Variants in TERT observed in about 807,000 individuals in gnomAD.
TERT encodes telomerase reverse transcriptase.
Under a neutral mutation model 104.0 loss-of-function variants are expected in TERT, and 42 were observed. The observed-to-expected ratio is 0.40, with a 90% CI of 0.32 to 0.52. TERT has a LOEUF of 0.52. Among genes scored for constraint, TERT ranks in the 20% least tolerant of loss-of-function variants. The pLI is 0.43. For missense variants in TERT, 1,101 were observed against 1,610.3 expected (o/e 0.68, Z 5.41); for synonymous variants, 781 against 725.6 (o/e 1.08, Z -1.23).
chr5:1,282,475 A>G lies in TERT; in HGVS notation c.1723T>C (p.Phe575Leu). 6.2e-7 allele frequency: 1 copy of G among 1,614,180 alleles called. No homozygotes were observed. Among genetic ancestry groups the G allele is most frequent in the Non-Finnish European group, 8.5e-7 (1 of 1,180,044 alleles). ...ETTFQKNRLF[F>L]YRKSVWSKLQ... is the part of the protein sequence containing the mutation. ...TTGCTCCAGACACTCTTCCGGTAGAAAAAGAGCCTGTTCTTTTGAAACGTG... is the reference window on the plus strand; with the variant it reads ...TTGCTCCAGACACTCTTCCGGTAGAGAAAGAGCCTGTTCTTTTGAAACGTG... The change falls in exon 3 of 16, where the codon TTC (phenylalanine) becomes CTC (leucine). Residue 575 changes from phenylalanine to leucine, a missense_variant. By Grantham distance (22) the Phe-to-Leu change is conservative. Coordinates refer to ENST00000310581, the MANE Select transcript of TERT (RefSeq NM_198253.3).
intron 13 of TERT, among the ~76,000 whole-genome samples, chr5:1,258,287 C>A (rs1579547594): frequency 6.6e-6 from 1 of 152,228 alleles, no homozygotes. Context: ...GCTAAGACTC[C>A]CCATAAACAT....
rs986380660 is a variant in TERT at position 1,255,151 on chromosome 5, G to C, written c.3157+136C>G. 1.7e-6 allele frequency: 2 copies of C among 1,147,202 alleles called. No individual in the cohort carries two copies. Among genetic ancestry groups the C allele is most frequent in the African/African-American group, 1.5e-5 (1 of 65,306 alleles). The allele number at this position is 1,147,202 out of a possible 1,614,324, so 71.1% of individuals were successfully genotyped here. A position where few individuals can be genotyped will look rare whatever the true frequency, so the allele number is the denominator to read the frequency against. On this transcript the variant is annotated intron_variant, in intron 14 of 15. Coordinates refer to ENST00000310581, the MANE Select transcript of TERT (RefSeq NM_198253.3). This position sits in a 1 kb window ranked among gnomAD's most constrained non-coding sequence, Gnocchi z 6.9. The stretch of plus-strand genomic sequence containing the variant: ...CACGAGAGGGCGGGCAGACGAGCCT[G>C]ACAGTGGTTGGGTTAAACCACTTCC...
At chr5:1,276,952 C>T (rs1579572511) in intron 6 of TERT, among the ~76,000 whole-genome samples, 2 of 152,360 alleles carry the variant, frequency 1.3e-5, no homozygotes, top group African/African-American at 2.4e-5. Flanking sequence ...CACAGAGATT[C>T]ACAGTGCACG....
chr5:1,261,053 A>G lies in TERT; in HGVS notation c.2844-453T>C, dbSNP rs1225948395. Among the ~76,000 whole-genome samples, 1 of 152,218 alleles carries G rather than the reference A, an allele frequency of 6.6e-6. No homozygotes were observed. The highest frequency in any genetic ancestry group is 1.5e-5 in the Non-Finnish European group (1 of 68,038). On this transcript the variant is annotated intron_variant, in intron 11 of 15. Coordinates refer to ENST00000310581, the MANE Select transcript of TERT (RefSeq NM_198253.3). This position sits in a 1 kb window ranked among gnomAD's most constrained non-coding sequence, Gnocchi z 7.4. ...AGGGATGGAAGAGCCAGGTGGCACC[A>G]GCTAAACAGGGCTCCAGTGAGTGCA...
rs1209727660 is a variant in TERT at position 1,269,841 on chromosome 5, A to C, written c.2469-1208T>G. Among the ~76,000 whole-genome samples, 1 of 152,138 alleles carries C rather than the reference A, an allele frequency of 6.6e-6. No individual in the cohort carries two copies. The highest frequency in any genetic ancestry group is 1.5e-5 in the Non-Finnish European group (1 of 68,024). ...ACAGGTTTTGAAGACGTTTTTATTC[A>C]GAGGCCAAACTGGACCACGATGGGG... On this transcript the variant is annotated intron_variant, in intron 8 of 15. Coordinates refer to ENST00000310581, the MANE Select transcript of TERT (RefSeq NM_198253.3). The surrounding 1 kb of genome is among the most constrained non-coding windows in gnomAD (Gnocchi z 9.0).
intron 2 of TERT, among the ~76,000 whole-genome samples, chr5:1,291,250 G>C (rs1167232313): frequency 5.1e-4 from 40 of 77,948 alleles, no homozygotes; most frequent in East Asian, 1.3e-3. Context: ...CTACACCTGA[G>C]AGGGACACCC....
intron 2 of TERT, among the ~76,000 whole-genome samples, chr5:1,291,267 A>G (rs1461167963): frequency 2.2e-4 from 16 of 74,062 alleles, no homozygotes; most frequent in East Asian, 4.8e-4. Context: ...ACCCGGGGAC[A>G]GCGCCTCACT....
At chr5:1,275,423 A>G (rs1749490916) in intron 6 of TERT, among the ~76,000 whole-genome samples, 1 of 151,908 alleles carries the variant, frequency 6.6e-6, no homozygotes, top group Admixed American at 6.6e-5. Context: ...CAAGCCTCCA[A>G]CTCGCAGGGG....
chr5:1,266,475 T>C lies in TERT; in HGVS notation c.2643A>G (p.Lys881=), dbSNP rs375558251. 36 of 1,609,250 alleles carry C rather than the reference T, an allele frequency of 2.2e-5. No individual in the cohort carries two copies. The highest frequency in any genetic ancestry group is 3.3e-4 in the Middle Eastern group (2 of 6,060). The change falls in exon 10 of 16, where the codon AAA becomes AAG. Residue 881 remains lysine, a synonymous_variant. Coordinates refer to ENST00000310581, the MANE Select transcript of TERT (RefSeq NM_198253.3). ...LLVTPHLTHA[K]TFLRTLVRGV... is the part of the protein sequence containing the mutation. The stretch of plus-strand genomic sequence containing the variant: ...GGCACGGGCCTCACCTGAGGAAGGT[T>C]TTCGCGTGGGTGAGGTGAGGTGTCA...
chr5:1,294,363 G>A lies in TERT; in HGVS notation c.523C>T (p.Leu175=). Reference sequence around the variant, plus strand: ...TGAGTGGCAGCGCCGAGCTGGTACAGCGGCGGCCCGCACACCTGGTAGGCG... The same window carrying A: ...TGAGTGGCAGCGCCGAGCTGGTACAACGGCGGCCCGCACACCTGGTAGGCG... ...SCAYQVCGPP[L]YQLGAATQAR... The change falls in exon 2 of 16, where the codon CTG becomes TTG. Residue 175 remains leucine, a synonymous_variant. Transcript: ENST00000310581. 4.4e-6 allele frequency: 7 copies of A among 1,575,446 alleles called. No individual in the cohort carries two copies. Among genetic ancestry groups the A allele is most frequent in the Non-Finnish European group, 6.0e-6 (7 of 1,168,542 alleles).
rs899899949 is a variant in TERT at position 1,257,033 on chromosome 5, G to T, written c.3032+1565C>A. Among the ~76,000 whole-genome samples the T allele has an allele frequency of 6.6e-6, 1 of 152,156 alleles. No homozygotes were observed. The highest frequency in any genetic ancestry group is 1.5e-5 in the Non-Finnish European group (1 of 68,028). On this transcript the variant is annotated intron_variant, in intron 13 of 15. Transcript: ENST00000310581. The surrounding 1 kb of genome is among the most constrained non-coding windows in gnomAD (Gnocchi z 5.6). ...CTCTCCGTTCTCCCACTCCTGCCTCGAGGGAAGGGGATTCCTGGGCCTTCC... is the reference window on the plus strand; with the variant it reads ...CTCTCCGTTCTCCCACTCCTGCCTCTAGGGAAGGGGATTCCTGGGCCTTCC...
At chr5:1,266,890 C>T (rs1273358559) in intron 9 of TERT, among the ~76,000 whole-genome samples, 2 of 152,340 alleles carry the variant, frequency 1.3e-5, no homozygotes, top group East Asian at 1.9e-4. Flanking sequence ...CTCTGAGCCA[C>T]GTGGTGCCCT....
At position 1,255,702 on chromosome 5, in the gene TERT, A is replaced by G. The variant is rs936593582; in HGVS notation, c.3033-291T>C. Among the ~76,000 whole-genome samples, 9 of 152,230 alleles carry G rather than the reference A, an allele frequency of 5.9e-5. No individual in the cohort carries two copies. Among genetic ancestry groups the G allele is most frequent in the African/African-American group, 2.2e-4 (9 of 41,466 alleles). On this transcript the variant is annotated intron_variant, in intron 13 of 15. Transcript: ENST00000310581. This position sits in a 1 kb window ranked among gnomAD's most constrained non-coding sequence, Gnocchi z 6.9. ...GCTCCATCCTGGATGCCAGCCCCCC[A>G]TGCTGGCTTCTGATTAGCCCCTGTT...
At position 1,271,156 on chromosome 5, in the gene TERT, G is replaced by T; in HGVS notation, c.2431C>A (p.Arg811Ser). Reference protein sequence around the residue: ...ASSGLFDVFLRFMCHHAVRIR... With the variant: ...ASSGLFDVFLSFMCHHAVRIR... ...CGCACGGCGTGGTGGCACATGAAGCGTAGGAAGACGTCGAAGAGGCCACTG... is the reference window on the plus strand; with the variant it reads ...CGCACGGCGTGGTGGCACATGAAGCTTAGGAAGACGTCGAAGAGGCCACTG... Residue 811 changes from arginine (R) to serine (S), a missense_variant, in exon 8 of 16, where the codon CGC (arginine) becomes AGC (serine). Arg to Ser is a moderately radical substitution (Grantham distance 110). Around this residue, in one of 5 missense-constraint regions of TERT, gnomAD observed 463 missense variants for 797.5 expected, o/e 0.58. Coordinates refer to ENST00000310581, the MANE Select transcript of TERT (RefSeq NM_198253.3). The T allele has an allele frequency of 6.2e-7, 1 of 1,613,166 alleles. No individual in the cohort carries two copies. Among genetic ancestry groups the T allele is most frequent in the South Asian group, 1.1e-5 (1 of 91,088 alleles).
intron 2 of TERT, chr5:1,282,989 T>G (rs35888851): frequency 2.6e-5 from 8 of 302,828 alleles, no homozygotes; most frequent in African/African-American, 2.8e-5. Context: ...GCGACCTCAC[T>G]CCGGACCTGC....
intron 3 of TERT, 103 bp from the exon 4 acceptor site, chr5:1,280,441 G>T: frequency 7.8e-7 from 1 of 1,286,938 alleles, no homozygotes; most frequent in African/African-American, 1.5e-5. Context: ...AGGGCTCAGG[G>T]CACCCACGGC....
Position 1,268,400 on chromosome 5 carries a change from T to A in TERT, c.2582+120A>T. 1 of 803,534 alleles carries A rather than the reference T, an allele frequency of 1.2e-6. No individual in the cohort carries two copies. The highest frequency in any genetic ancestry group is 2.1e-6 in the Non-Finnish European group (1 of 483,822). 49.8% of individuals were successfully genotyped at this position (803,534 alleles called of 1,614,324 possible). A position where few individuals can be genotyped will look rare whatever the true frequency, so the allele number is the denominator to read the frequency against. ...TTCATACCAAGAAGGGGCTGCAACC[T>A]TGTCTGGTTCCTCAAGACAGAGCAG... On this transcript the variant is annotated intron_variant, in intron 9 of 15. Transcript: ENST00000310581. The surrounding 1 kb of genome is among the most constrained non-coding windows in gnomAD (Gnocchi z 5.5).
chr5:1,271,321 GC>G lies in TERT; in HGVS notation c.2383-118del. ...GTCAGTGTTTGTGATGAAGTGCGGG[GC>G]TGGGCTGGAATGCAGGGCCATCGTG... On this transcript the variant is annotated intron_variant, in intron 7 of 15. Transcript: ENST00000310581. 4 of 772,684 alleles carry G rather than the reference GC, an allele frequency of 5.2e-6. No individual in the cohort carries two copies. The South Asian group carries it at 5.9e-5, about 11-fold the overall frequency. The allele number at this position is 772,684 out of a possible 1,614,324, so 47.9% of individuals were successfully genotyped here. A position where few individuals can be genotyped will look rare whatever the true frequency, so the allele number is the denominator to read the frequency against.
rs918130243 is a variant in TERT, at chr5:1,256,759, G to A, written c.3033-1348C>T. ...AAATAAATAAGCCTAAGGTCCCGGG[G>A]TTGCCACACGGCCACGCTCCTGACC... On this transcript the variant is annotated intron_variant, in intron 13 of 15. Coordinates refer to ENST00000310581, the MANE Select transcript of TERT (RefSeq NM_198253.3). This position sits in a 1 kb window ranked among gnomAD's most constrained non-coding sequence, Gnocchi z 7.0. 1.3e-5 allele frequency among the ~76,000 whole-genome samples: 2 copies of A among 152,218 alleles called. No homozygotes were observed. The highest frequency in any genetic ancestry group is 2.9e-5 in the Non-Finnish European group (2 of 68,036).
Sources: allele counts gnomAD v4.1 joint callset (sites outside exome capture counted in the v4.1 genomes callset), GRCh38; gene constraint gnomAD v4.1.1; regional missense constraint gnomAD v4.1.1; non-coding constraint Gnocchi (gnomAD v3.1); transcripts MANE v1.5; gene names NCBI Gene and HGNC (gene_info 2026-07-23, HGNC 2026-07-21).